The following KCNQ5 variants were observed in gnomAD, a reference collection of about 807,000 sequenced individuals.
KCNQ5 encodes the protein potassium voltage-gated channel subfamily KQT member 5.
KCNQ5 carries 30 observed loss-of-function variants against 98.2 expected under a neutral mutation model. That is an observed-to-expected ratio of 0.31 (90% CI 0.23 to 0.41). The LOEUF (loss-of-function observed/expected upper bound fraction) is 0.41, where lower values mean the gene tolerates loss of function less well. Ranked by LOEUF, KCNQ5 falls within the 10% of genes least tolerant of loss-of-function variation. The probability of loss-of-function intolerance (pLI) is 1.00; values close to 1 mark genes in which losing one functional copy is unlikely to be tolerated. For synonymous variants in KCNQ5, 458 were observed against 449.4 expected (o/e 1.02, Z -0.24); for missense variants, 835 against 1,182.5 (o/e 0.71, Z 4.31).
At chr6:72,972,172 C>T (rs1254883558) in intron 1 of KCNQ5, among the ~76,000 whole-genome samples, 3 of 152,166 alleles carry the variant, frequency 2.0e-5, no homozygotes, top group Non-Finnish European at 4.4e-5. Flanking sequence ...CTGCAAACTG[C>T]AGTCAGTCTG....
At chr6:73,193,346 G>A (rs1275527122) in intron 13 of KCNQ5, among the ~76,000 whole-genome samples, 3 of 151,784 alleles carry the variant, frequency 2.0e-5, no homozygotes, top group Admixed American at 6.6e-5. Context: ...AGTAAAACAA[G>A]GCCGGGTGTG....
chr6:73,135,867 C>G (rs767542687), intron 10 of KCNQ5: 7 of 152,204 alleles, frequency 4.6e-5, no homozygotes, highest in Non-Finnish European at 1.0e-4. Flanking sequence ...CTCCCTGAGT[C>G]TTTACATAGA....
chr6:72,761,394 GATTA>G (rs1772265326), intron 1 of KCNQ5, among the ~76,000 whole-genome samples: 2 of 151,836 alleles, frequency 1.3e-5, no homozygotes, highest in Non-Finnish European at 1.5e-5. Flanking sequence ...CTAGTTAAAT[GATTA>G]ATTGATAGTT....
At chr6:73,146,551 C>G (rs1240620387) in intron 10 of KCNQ5, among the ~76,000 whole-genome samples, 1 of 141,242 alleles carries the variant, frequency 7.1e-6, no homozygotes, top group Non-Finnish European at 1.5e-5. Flanking sequence ...CTTTTGAGCC[C>G]AGGAGGTTGA....
intron 1 of KCNQ5, among the ~76,000 whole-genome samples, chr6:72,861,474 AAG>A (rs1425356000): frequency 2.0e-5 from 3 of 152,146 alleles, no homozygotes; most frequent in African/African-American, 7.2e-5. Context: ...TGGCCAAAGA[AAG>A]AATTCACCAG....
chr6:72,682,555 C>G (rs1009158651), intron 1 of KCNQ5, among the ~76,000 whole-genome samples: 1 of 152,172 alleles, frequency 6.6e-6, no homozygotes, highest in Non-Finnish European at 1.5e-5. Flanking sequence ...CCACTCTTAG[C>G]TGTCCAAGTT....
rs574020741 is a variant in KCNQ5 at position 72,958,637 on chromosome 6, A to G, written c.399-45271A>G. Among the ~76,000 whole-genome samples the G allele has an allele frequency of 7.2e-5, 11 of 152,364 alleles. No homozygotes were observed. The East Asian group carries it at 2.1e-3, about 29-fold the overall frequency. ...AGGTAAAACAGAATATGAAAACCAT[A>G]TGAGGCCTAACATATGAGGTACATA... On this transcript the variant is annotated intron_variant, in intron 1 of 13. Coordinates refer to ENST00000370398, the MANE Select transcript of KCNQ5 (RefSeq NM_019842.4).
intron 1 of KCNQ5, among the ~76,000 whole-genome samples, chr6:72,637,173 C>T (rs541658392): frequency 6.6e-6 from 1 of 152,198 alleles, no homozygotes; most frequent in South Asian, 2.1e-4. Flanking sequence ...GAAACCAATG[C>T]TGTTTCATAA....
At chr6:72,758,052 G>A (rs1297969958) in intron 1 of KCNQ5, among the ~76,000 whole-genome samples, 3 of 151,908 alleles carry the variant, frequency 2.0e-5, no homozygotes, top group African/African-American at 7.3e-5. Context: ...TGCTGCAGGA[G>A]GCATGGACAG....
intron 1 of KCNQ5, among the ~76,000 whole-genome samples, chr6:72,810,076 A>G (rs1241617784): frequency 6.6e-6 from 1 of 152,226 alleles, no homozygotes; most frequent in Non-Finnish European, 1.5e-5. Context: ...TGTTTACTAC[A>G]CAGTGGGCTC....
At chr6:72,702,475 G>A (rs887033854) in intron 1 of KCNQ5, among the ~76,000 whole-genome samples, 2 of 152,056 alleles carry the variant, frequency 1.3e-5, no homozygotes, top group Admixed American at 1.3e-4. Context: ...TTTTGCAAGT[G>A]ATAAAAAAGT....
intron 1 of KCNQ5, among the ~76,000 whole-genome samples, chr6:72,780,425 G>A (rs1316291578): frequency 1.3e-5 from 2 of 152,228 alleles, no homozygotes; most frequent in Admixed American, 1.3e-4. Flanking sequence ...GCAGAGAACA[G>A]GAGCCCATCA....
At chr6:73,104,449 A>G (rs1774921585) in intron 5 of KCNQ5, among the ~76,000 whole-genome samples, 1 of 152,178 alleles carries the variant, frequency 6.6e-6, no homozygotes, top group South Asian at 2.1e-4. Context: ...TAAATTGAAG[A>G]AGTCACTAAT....
chr6:73,045,493 T>C (rs1192922279), intron 3 of KCNQ5, among the ~76,000 whole-genome samples: 2 of 152,172 alleles, frequency 1.3e-5, no homozygotes, highest in African/African-American at 4.8e-5. Flanking sequence ...AATTGCTGTA[T>C]TGCTGATGTG....
intron 1 of KCNQ5, among the ~76,000 whole-genome samples, chr6:72,696,225 T>A (rs541429253): frequency 6.6e-6 from 1 of 152,308 alleles, no homozygotes; most frequent in African/African-American, 2.4e-5. Context: ...TAAGAGGCCC[T>A]CATTAGTAAC....
chr6:72,904,357 T>C (rs2150197887), intron 1 of KCNQ5, among the ~76,000 whole-genome samples: 1 of 152,330 alleles, frequency 6.6e-6, no homozygotes, highest in East Asian at 1.9e-4. Context: ...ACATTCAATG[T>C]TAGTATTGAA....
chr6:72,919,110 G>C (rs914964409), intron 1 of KCNQ5, among the ~76,000 whole-genome samples: 3 of 152,148 alleles, frequency 2.0e-5, no homozygotes, highest in Admixed American at 6.5e-5. Context: ...ATTCTAGATG[G>C]CTTTTTCCCA....
chr6:73,039,450 G>A (rs913376222), intron 2 of KCNQ5, among the ~76,000 whole-genome samples: 1 of 152,032 alleles, frequency 6.6e-6, no homozygotes, highest in Non-Finnish European at 1.5e-5. Context: ...TATAATGTAA[G>A]CATTTAGTGC....
intron 1 of KCNQ5, among the ~76,000 whole-genome samples, chr6:72,849,717 T>C (rs1464276230): frequency 6.6e-6 from 1 of 152,174 alleles, no homozygotes; most frequent in Non-Finnish European, 1.5e-5. Flanking sequence ...CCTCTATGTT[T>C]ATGGAGAGAG....
Sources: gnomAD v4.1 joint callset for allele counts (sites outside exome capture counted in the v4.1 genomes callset) on GRCh38, gnomAD v4.1.1 for gene constraint, MANE v1.5 for transcripts, NCBI Gene and HGNC (gene_info 2026-07-23, HGNC 2026-07-21) for gene names.